Variants in FNDC3A observed in about 807,000 individuals in gnomAD.
FNDC3A encodes fibronectin type-III domain-containing protein 3A.
Under a neutral mutation model 148.9 loss-of-function variants are expected in FNDC3A, and 32 were observed. The ratio of observed to expected loss-of-function variants is 0.21; its 90% CI spans 0.16 to 0.29. The LOEUF (loss-of-function observed/expected upper bound fraction) is 0.29. Ranked by LOEUF, FNDC3A falls within the 10% of genes least tolerant of loss-of-function variation. The pLI, the probability that FNDC3A is intolerant of heterozygous loss-of-function variation, is 1.00. For missense variants in FNDC3A, 1,191 were observed against 1,452.8 expected (o/e 0.82, Z 2.93); for synonymous variants, 472 against 473.6 (o/e 1.00, Z 0.04).
At chr13:49,016,742 G>T (rs1163090186) in intron 2 of FNDC3A, among the ~76,000 whole-genome samples, 1 of 151,958 alleles carries the variant, frequency 6.6e-6, no homozygotes, top group South Asian at 2.1e-4. Flanking sequence ...GGCATTTAGT[G>T]CTATAAATTT....
chr13:48,976,045 ACAGT>A lies in FNDC3A; in HGVS notation c.-168_-165del, dbSNP rs1322571085. ...GCGTCACTGCCAGGAAACAACCCCA[ACAGT>A]CAGCGCGCCGGCGGCCGCGGCGGCC... On this transcript the variant is annotated 5_prime_UTR_variant, in exon 1 of 26. Coordinates refer to ENST00000492622, the MANE Select transcript of FNDC3A (RefSeq NM_001079673.2). 2.0e-5 allele frequency: 3 copies of A among 152,564 alleles called. No individual in the cohort carries two copies. The highest frequency in any genetic ancestry group is 4.4e-5 in the Non-Finnish European group (3 of 68,542). The allele number at this position is 152,564 out of a possible 1,614,324, so 9.5% of individuals were successfully genotyped here.
At chr13:49,047,320 A>G (rs926073040) in intron 2 of FNDC3A, among the ~76,000 whole-genome samples, 3 of 152,164 alleles carry the variant, frequency 2.0e-5, no homozygotes, top group Admixed American at 1.3e-4. Context: ...CTTCCTTTCC[A>G]CTGGGTAGAT....
chr13:49,020,816 G>A (rs1465696092), intron 2 of FNDC3A, among the ~76,000 whole-genome samples: 1 of 152,208 alleles, frequency 6.6e-6, no homozygotes, highest in Non-Finnish European at 1.5e-5. Context: ...TCAGAAAGGT[G>A]TTAACTTGTT....
At chr13:48,993,270 G>A (rs1951953659) in intron 1 of FNDC3A, among the ~76,000 whole-genome samples, 1 of 152,172 alleles carries the variant, frequency 6.6e-6, no homozygotes, top group Admixed American at 6.5e-5. Flanking sequence ...GTATGGCCCA[G>A]AGACTAGCAG....
chr13:49,065,369 T>G (rs530505981), intron 2 of FNDC3A, among the ~76,000 whole-genome samples: 1 of 152,194 alleles, frequency 6.6e-6, no homozygotes, highest in Admixed American at 6.5e-5. Flanking sequence ...GAGTTAGTAT[T>G]GAGGACTACA....
intron 3 of FNDC3A, among the ~76,000 whole-genome samples, chr13:49,076,913 C>G (rs189226390): frequency 6.6e-6 from 1 of 152,186 alleles, no homozygotes; most frequent in African/African-American, 2.4e-5. Flanking sequence ...CCATTTCTTA[C>G]ATTTCTTTGT....
At chr13:49,002,291 T>C (rs1312345443) in intron 1 of FNDC3A, among the ~76,000 whole-genome samples, 2 of 152,232 alleles carry the variant, frequency 1.3e-5, no homozygotes, top group East Asian at 1.9e-4. Flanking sequence ...ATCTTTCCTG[T>C]AGGTTTTTCA....
intron 20 of FNDC3A, 127 bp from the exon 21 acceptor site, chr13:49,197,598 G>A: frequency 1.4e-6 from 1 of 705,278 alleles, no homozygotes; most frequent in African/African-American, 1.8e-5. Flanking sequence ...TTTTGATTGT[G>A]CTTAAAAGTT....
intron 1 of FNDC3A, among the ~76,000 whole-genome samples, chr13:48,991,076 A>T (rs1468434100): frequency 6.6e-6 from 1 of 152,204 alleles, no homozygotes; most frequent in Admixed American, 6.5e-5. Context: ...CAAGATGGTG[A>T]TGTAAATCCA....
intron 4 of FNDC3A, among the ~76,000 whole-genome samples, chr13:49,129,716 G>T (rs1355892659): frequency 6.6e-6 from 1 of 152,122 alleles, no homozygotes; most frequent in Non-Finnish European, 1.5e-5. Context: ...AGGCATTATG[G>T]TTCTAGACCC....
At chr13:49,134,540 G>GGTATGTGC (rs1205252234) in intron 5 of FNDC3A, among the ~76,000 whole-genome samples, 10 of 151,696 alleles carry the variant, frequency 6.6e-5, no homozygotes, top group African/African-American at 2.4e-4. Flanking sequence ...ATTTCTTCCG[G>GGTATGTGC]GTATGTGCCT....
chr13:49,207,883 AT>A lies in FNDC3A; in HGVS notation c.*491del, dbSNP rs1257732913. The A allele has an allele frequency of 1.3e-5, 2 of 152,976 alleles. No individual in the cohort carries two copies. Among genetic ancestry groups the A allele is most frequent in the South Asian group, 2.1e-4 (1 of 4,826 alleles). The allele number at this position is 152,976 out of a possible 1,614,324, so 9.5% of individuals were successfully genotyped here. On this transcript the variant is annotated 3_prime_UTR_variant, in exon 26 of 26. Coordinates refer to ENST00000492622, the MANE Select transcript of FNDC3A (RefSeq NM_001079673.2). The stretch of plus-strand genomic sequence containing the variant: ...TTCTACCTCCTCATTTGTCTTAATT[AT>A]TTGGTAAGTGGGATTATGATGAGTA...
chr13:49,159,418 T>C (rs1883943013), intron 8 of FNDC3A, among the ~76,000 whole-genome samples: 1 of 152,150 alleles, frequency 6.6e-6, no homozygotes, highest in African/African-American at 2.4e-5. Context: ...TTGGCTCTGT[T>C]TGTCTGTTAT....
At chr13:49,036,675 T>A (rs1002629054) in intron 2 of FNDC3A, among the ~76,000 whole-genome samples, 1 of 152,184 alleles carries the variant, frequency 6.6e-6, no homozygotes, top group Non-Finnish European at 1.5e-5. Flanking sequence ...GGTGACATCA[T>A]GTAAACAACT....
intron 23 of FNDC3A, among the ~76,000 whole-genome samples, chr13:49,199,411 T>C (rs1886320781): frequency 6.7e-6 from 1 of 148,968 alleles, no homozygotes; most frequent in African/African-American, 2.5e-5. Context: ...CACTGCAATC[T>C]CCGCCTCTCA....
At chr13:49,040,181 A>G (rs1214415697) in intron 2 of FNDC3A, among the ~76,000 whole-genome samples, 2 of 152,202 alleles carry the variant, frequency 1.3e-5, no homozygotes, top group Non-Finnish European at 2.9e-5. Context: ...TTTTAAGCAT[A>G]TGTTTATCTG....
chr13:49,176,827 G>T (rs545969115), intron 13 of FNDC3A, among the ~76,000 whole-genome samples: 3 of 152,176 alleles, frequency 2.0e-5, no homozygotes, highest in Admixed American at 6.5e-5. Flanking sequence ...TTGCAACAGG[G>T]TCTTGCTCTG....
intron 5 of FNDC3A, among the ~76,000 whole-genome samples, chr13:49,135,355 TTCTGATGAAATCTAA>T (rs1314211180): frequency 3.3e-5 from 5 of 152,176 alleles, no homozygotes; most frequent in Non-Finnish European, 7.4e-5. Flanking sequence ...AAGTTTTTAA[TTCTGATGAAATCTAA>T]TTTTTTCTTT....
At chr13:49,200,772 A>G (rs1342782548) in intron 23 of FNDC3A, among the ~76,000 whole-genome samples, 2 of 152,096 alleles carry the variant, frequency 1.3e-5, no homozygotes, top group South Asian at 2.1e-4. Context: ...GTTAAGTTTA[A>G]TGCACACATT....
Sources: allele counts gnomAD v4.1 joint callset (sites outside exome capture counted in the v4.1 genomes callset), GRCh38; gene constraint gnomAD v4.1.1; transcripts MANE v1.5; gene names NCBI Gene and HGNC (gene_info 2026-07-23, HGNC 2026-07-21).